ALG13: variants seen among roughly 807,000 people sequenced by gnomAD.
ALG13 encodes the protein ALG13 UDP-N-acetylglucosaminyltransferase subunit, also known as UDP-N-acetylglucosamine transferase subunit ALG13.
In ALG13, 11 loss-of-function variants were observed where a neutral mutation model predicts 87.8. That is an observed-to-expected ratio of 0.13 (90% confidence interval 0.08 to 0.21). ALG13 has a LOEUF of 0.21. ALG13 is among the 10% of genes least tolerant of loss of function. The pLI is 1.00. For synonymous variants in ALG13, 320 were observed against 306.3 expected (o/e 1.04, Z -0.47); for missense variants, 756 against 866.1 (o/e 0.87, Z 1.60).
intron 3 of ALG13, among the ~76,000 whole-genome samples, chrX:111,704,316 A>C (rs1049551741): frequency 1.8e-5 from 2 of 111,980 alleles, no homozygotes; most frequent in African/African-American, 6.5e-5. Flanking sequence ...GGTTAAATAG[A>C]GTTACCATAT....
intron 23 of ALG13, among the ~76,000 whole-genome samples, chrX:111,743,287 TA>T (rs974910881): frequency 3.6e-5 from 4 of 111,718 alleles, no homozygotes; most frequent in Non-Finnish European, 7.5e-5. Flanking sequence ...CCATTTTATT[TA>T]AAAAAAATCT....
chrX:111,697,819 T>A (rs1333469302), intron 3 of ALG13, among the ~76,000 whole-genome samples: 1 of 111,768 alleles, frequency 8.9e-6, no homozygotes, highest in Admixed American at 9.5e-5. Flanking sequence ...ATAGTTTTAG[T>A]TTCAGTACTG....
chrX:111,748,330 A>G (rs1944422646), intron 24 of ALG13, among the ~76,000 whole-genome samples: 1 of 112,021 alleles, frequency 8.9e-6, no homozygotes. Context: ...GATCATGCCT[A>G]TGGTATTGTA....
chrX:111,757,797 A>G (rs919479006), intron 26 of ALG13, 35 bp downstream of exon 26: 2 of 1,166,283 alleles, frequency 1.7e-6, no homozygotes, highest in African/African-American at 3.6e-5. Context: ...CAAGAAAGAC[A>G]GTTGGATTTT....
rs748648454 is a variant in ALG13, at chrX:111,728,203, A to G, written c.2266A>G (p.Thr756Ala). 2.7e-5 allele frequency: 33 copies of G among 1,209,903 alleles called. No homozygotes were observed. In the Middle Eastern group the frequency reaches 6.9e-4, roughly 25 times the overall value. The change falls in exon 19 of 27, where the codon ACA (threonine) becomes GCA (alanine). Residue 756 changes from threonine to alanine, a missense_variant. Transcript: ENST00000394780. ...GATACAGAATCATGGAGGTCCCTCT[A>G]CAATGGTTCCTGCTACTTCAGGATA... ...PTLPNHGGPS[T>A]MVPATSGYCV...
At chrX:111,709,352 A>C (rs1418385007) in intron 5 of ALG13, among the ~76,000 whole-genome samples, 1 of 112,502 alleles carries the variant, frequency 8.9e-6, no homozygotes, top group African/African-American at 3.2e-5. Flanking sequence ...TTATCCATAC[A>C]GTTTTATTGA....
intron 24 of ALG13, among the ~76,000 whole-genome samples, chrX:111,751,817 G>T (rs948992468): frequency 9.0e-6 from 1 of 111,698 alleles, no homozygotes; most frequent in East Asian, 2.8e-4. Flanking sequence ...TGGAACTCAG[G>T]TTATATTACT....
Position 111,686,000 on chromosome X carries a change from A to T in ALG13, c.383+897A>T. The T allele has an allele frequency of 8.2e-6, 3 of 364,688 alleles. No individual in the cohort carries two copies. In the Admixed American group the frequency reaches 1.8e-4, roughly 22 times the overall value. The allele number at this position is 364,688 out of a possible 1,213,427, so 30.1% of individuals were successfully genotyped here. A position where few individuals can be genotyped will look rare whatever the true frequency, so the allele number is the denominator to read the frequency against. On this transcript the variant is annotated intron_variant, in intron 3 of 26. Transcript: ENST00000394780. ...AAGAGTTCTGATTTTATTCATGTTT[A>T]TTGAGAAGCCATTGAAGTATTTTAA...
At chrX:111,722,019 A>G (rs770872262) in intron 12 of ALG13, among the ~76,000 whole-genome samples, 11 of 111,667 alleles carry the variant, frequency 9.9e-5, no homozygotes, top group Non-Finnish European at 1.5e-4. Context: ...TGTTAAGACC[A>G]CCTTCCTTGA....
chrX:111,718,295 A>G, intron 10 of ALG13, 21 bp downstream of exon 10: 3 of 1,152,235 alleles, frequency 2.6e-6, no homozygotes, highest in Non-Finnish European at 3.5e-6. Flanking sequence ...GAAAGGGGAT[A>G]TCATGATAAT....
chrX:111,736,837 A>G lies in ALG13; in HGVS notation c.2653A>G (p.Ile885Val), dbSNP rs1347669617. The change falls in exon 23 of 27, where the codon ATA becomes GTA. Residue 885 changes from isoleucine (I) to valine (V), a missense_variant. By Grantham distance (29) the Ile-to-Val change is conservative. Coordinates refer to ENST00000394780, the MANE Select transcript of ALG13 (RefSeq NM_001099922.3). Reference sequence around the variant, plus strand: ...CACTTCAGTTTCCTCACAGAATGCTATACAGCCTCTCTTTGTATCTCCACC... The same window carrying G: ...CACTTCAGTTTCCTCACAGAATGCTGTACAGCCTCTCTTTGTATCTCCACC... ...STTSVSSQNA[I>V]QPLFVSPPTH... 2 of 1,210,359 alleles carry G rather than the reference A, an allele frequency of 1.7e-6. No homozygotes were observed. Among genetic ancestry groups the G allele is most frequent in the East Asian group, 3.0e-5 (1 of 33,750 alleles).
intron 25 of ALG13, among the ~76,000 whole-genome samples, chrX:111,756,937 A>G (rs775915311): frequency 4.5e-5 from 5 of 111,905 alleles, no homozygotes; most frequent in Admixed American, 9.5e-5. Flanking sequence ...TTTGTAATCT[A>G]TTTCACTGAG....
intron 24 of ALG13, among the ~76,000 whole-genome samples, chrX:111,749,062 G>T (rs1451195596): frequency 4.5e-5 from 5 of 111,154 alleles, no homozygotes; most frequent in Non-Finnish European, 1.9e-5. Context: ...TCCAGCCTGG[G>T]TGACAGAGCG....
intron 3 of ALG13, chrX:111,688,743 G>A (rs927776658): frequency 1.3e-6 from 1 of 743,437 alleles, no homozygotes; most frequent in Non-Finnish European, 1.6e-6. Context: ...TACAATTTAT[G>A]TGCTTATAAA....
Position 111,720,121 on chromosome X carries a change from A to G in ALG13, c.1277A>G (p.Asn426Ser), listed in dbSNP as rs1208820400. The G allele has an allele frequency of 2.3e-5, 28 of 1,194,267 alleles. No individual in the cohort carries two copies. The highest frequency in any genetic ancestry group is 2.9e-5 in the Non-Finnish European group (26 of 886,432). Residue 426 changes from asparagine to serine, a missense_variant, in exon 11 of 27, where the codon AAT becomes AGT. This residue lies in a region of ALG13 where 48 missense variants were observed against 50.5 expected (regional missense o/e 0.95). Coordinates refer to ENST00000394780, the MANE Select transcript of ALG13 (RefSeq NM_001099922.3). The part of the protein sequence containing the change: ...NRMEEWGACY[N>S]AENIPEGYNK... ...ATGGAAGAGTGGGGTGCCTGCTACA[A>G]TGCTGAAAATATACCAGAGGGCTAC...
At chrX:111,751,694 C>T (rs1283124711) in intron 24 of ALG13, among the ~76,000 whole-genome samples, 2 of 110,373 alleles carry the variant, frequency 1.8e-5, no homozygotes, top group Non-Finnish European at 3.8e-5. Context: ...TGCTGTGCTC[C>T]TATATAATAG....
intron 26 of ALG13, among the ~76,000 whole-genome samples, chrX:111,759,098 A>T (rs1338588594): frequency 9.2e-6 from 1 of 108,797 alleles, no homozygotes; most frequent in Non-Finnish European, 1.9e-5. Context: ...ACTATGAGGC[A>T]GTGGCAGTCT....
At chrX:111,729,555 A>G (rs1942451494) in intron 19 of ALG13, among the ~76,000 whole-genome samples, 1 of 111,853 alleles carries the variant, frequency 8.9e-6, no homozygotes, top group South Asian at 3.7e-4. Flanking sequence ...CTCTATGGGT[A>G]GTGTGGCATA....
chrX:111,739,192 A>C (rs1255834312), intron 23 of ALG13, among the ~76,000 whole-genome samples: 3 of 111,718 alleles, frequency 2.7e-5, no homozygotes, highest in Middle Eastern at 4.6e-3. Flanking sequence ...CTTCTTTACA[A>C]GGCACCAGGA....
Sources: gnomAD v4.1 joint callset for allele counts (sites outside exome capture counted in the v4.1 genomes callset) on GRCh38, gnomAD v4.1.1 for gene constraint, gnomAD v4.1.1 regional missense constraint, MANE v1.5 for transcripts, NCBI Gene and HGNC (gene_info 2026-07-23, HGNC 2026-07-21) for gene names.